DDO: variants seen among roughly 807,000 people sequenced by gnomAD.
DDO encodes D-aspartate oxidase, also known as D-aspartate oxidase, DDO.
Under a neutral mutation model 16.8 loss-of-function variants are expected in DDO, and 16 were observed. That is an observed-to-expected ratio of 0.95 (90% CI 0.65 to 1.45). The LOEUF is 1.45. Among genes scored for constraint, DDO ranks in the 40% most tolerant of loss-of-function variants. The pLI is 0.00. For synonymous variants in DDO, 180 were observed against 167.2 expected (o/e 1.08, Z -0.59); for missense variants, 429 against 420.3 (o/e 1.02, Z -0.18).
intron 4 of DDO, among the ~76,000 whole-genome samples, chr6:110,396,584 G>A (rs1304711280): frequency 1.3e-5 from 2 of 151,860 alleles, no homozygotes; most frequent in African/African-American, 2.4e-5. Flanking sequence ...AAAAGAATCT[G>A]GCAAGCATCT....
At chr6:110,402,007 ACATGCAGGAC>A (rs755759217) in intron 4 of DDO, among the ~76,000 whole-genome samples, 1 of 152,338 alleles carries the variant, frequency 6.6e-6, no homozygotes, top group Admixed American at 6.5e-5. Context: ...TCTCACCCCA[ACATGCAGGAC>A]CTCAATCCGA....
chr6:110,403,438 G>A (rs544131347), intron 4 of DDO, among the ~76,000 whole-genome samples: 33 of 152,232 alleles, frequency 2.2e-4, no homozygotes, highest in African/African-American at 7.7e-4. Context: ...AAATTTGCTT[G>A]TTGGCTGGTG....
At chr6:110,391,021 A>C (rs746867417), downstream of DDO, among the ~76,000 whole-genome samples, 3 of 152,232 alleles carry the variant, frequency 2.0e-5, no homozygotes, top group South Asian at 2.1e-4. Context: ...ATCTGATACA[A>C]CACCACCCCC....
At chr6:110,394,372 G>A (rs1466515069) in intron 4 of DDO, among the ~76,000 whole-genome samples, 1 of 152,156 alleles carries the variant, frequency 6.6e-6, no homozygotes, top group Middle Eastern at 3.2e-3. Context: ...CTCCCAAAGT[G>A]CTGGGATTAT....
At chr6:110,409,052 T>C (rs1414872278) in intron 2 of DDO, among the ~76,000 whole-genome samples, 1 of 152,124 alleles carries the variant, frequency 6.6e-6, no homozygotes, top group African/African-American at 2.4e-5. Context: ...TGCCATTACC[T>C]TCCACACCAT....
chr6:110,408,364 G>A lies in DDO; in HGVS notation c.251C>T (p.Ala84Val), dbSNP rs769721802. ...HLFAIANSAE[A>V]GDAGVHLVSG... ...TACCAAATGAACACCAGCATCTCCAGCTTCTGCAGAATTGGCAATTGCAAA... is the reference window on the plus strand; with the variant it reads ...TACCAAATGAACACCAGCATCTCCAACTTCTGCAGAATTGGCAATTGCAAA... The change falls in exon 3 of 5, where the codon GCT becomes GTT. Residue 84 changes from alanine (A) to valine (V), a missense_variant. By Grantham distance (64) the Ala-to-Val change is moderately conservative. Transcript: ENST00000368924. 4 of 1,613,968 alleles carry A rather than the reference G, an allele frequency of 2.5e-6. No individual in the cohort carries two copies. Among genetic ancestry groups the A allele is most frequent in the Non-Finnish European group, 3.4e-6 (4 of 1,180,008 alleles).
At chr6:110,391,546 G>C (rs1347743948), downstream of DDO, among the ~76,000 whole-genome samples, 2 of 151,950 alleles carry the variant, frequency 1.3e-5, no homozygotes, top group East Asian at 1.9e-4. Context: ...TGTTGGCCAG[G>C]CTTGTCTTGA....
chr6:110,397,867 G>A (rs1310936616), intron 4 of DDO, among the ~76,000 whole-genome samples: 1 of 152,166 alleles, frequency 6.6e-6, no homozygotes, highest in Non-Finnish European at 1.5e-5. Context: ...TCATTATTAT[G>A]TATCCCATGG....
rs148059665 is a variant in DDO, at chr6:110,398,283, C to T, written c.459-4941G>A. Among the ~76,000 whole-genome samples the T allele has an allele frequency of 9.5e-4, 145 of 152,128 alleles. No homozygotes were observed. In the East Asian group the frequency reaches 0.012, roughly 13 times the overall value. ...AAACAAGGAGGATGGTCATCCTCAG[C>T]GCCTTTCCTTCACCTCACTGGGAGT... On this transcript the variant is annotated intron_variant, in intron 4 of 4. Transcript: ENST00000368924.
chr6:110,404,682 C>T (rs1773587569), intron 4 of DDO, 92 bp downstream of exon 4: 5 of 1,405,220 alleles, frequency 3.6e-6, no homozygotes, highest in African/African-American at 1.4e-5. Context: ...CTGAGGGATG[C>T]CAGAGACTTT....
chr6:110,404,575 G>A (rs1409320155), intron 4 of DDO, among the ~76,000 whole-genome samples, 199 bp downstream of exon 4: 3 of 152,174 alleles, frequency 2.0e-5, no homozygotes, highest in African/African-American at 7.2e-5. Context: ...ATTACTAGAA[G>A]CATGGTGTGA....
chr6:110,388,768 T>C, downstream of DDO: 7 of 981,928 alleles, frequency 7.1e-6, no homozygotes, highest in Non-Finnish European at 8.5e-6. Context: ...GGCCAGACAC[T>C]TGAAAGCAGA....
In DDO at chr6:110,392,426, A is replaced by G. The variant is rs1773126723; in HGVS notation, c.*349T>C. ...TCTATAAGAAGTATTTTTAACAAAA[A>G]ATAGAGCTTTATGCCCTATGCCATT... On this transcript the variant is annotated 3_prime_UTR_variant, in exon 5 of 5. Transcript: ENST00000368924. 3.0e-6 allele frequency: 3 copies of G among 1,016,092 alleles called. No homozygotes were observed. The African/African-American group carries it at 5.1e-5, about 17-fold the overall frequency. 62.9% of individuals were successfully genotyped at this position (1,016,092 alleles called of 1,614,324 possible).
chr6:110,404,866 A>G lies in DDO; in HGVS notation c.366T>C (p.Ala122=), dbSNP rs1422017654. The stretch of plus-strand genomic sequence containing the variant: ...CATACTGGGGGAATTTCTTCAGCTC[A>G]GCCTCAGTCATCTTTCGAAATCCCA... ...VVLGFRKMTE[A]ELKKFPQYVF... The change falls in exon 4 of 5, where the codon GCT becomes GCC. Residue 122 remains alanine, a synonymous_variant. Coordinates refer to ENST00000368924, the MANE Select transcript of DDO (RefSeq NM_001372108.2). 2.5e-6 allele frequency: 4 copies of G among 1,614,102 alleles called. No homozygotes were observed. Among genetic ancestry groups the G allele is most frequent in the Non-Finnish European group, 3.4e-6 (4 of 1,180,042 alleles).
chr6:110,400,343 C>CGCGG (rs1554220566), intron 4 of DDO, among the ~76,000 whole-genome samples: 3 of 126,400 alleles, frequency 2.4e-5, no homozygotes, highest in Admixed American at 8.1e-5. Context: ...AGGAGCGGGC[C>CGCGG]GGGGCGGGGA....
downstream of DDO, among the ~76,000 whole-genome samples, chr6:110,389,788 T>A (rs756662921): frequency 1.3e-5 from 2 of 152,222 alleles, no homozygotes; most frequent in African/African-American, 4.8e-5. Flanking sequence ...GTTACAGAAG[T>A]TATTGTTTAT....
chr6:110,415,339 C>T (rs9487397), intron 1 of DDO, 128 bp downstream of exon 1: 31,636 of 1,239,044 alleles, frequency 0.026, 1,284 homozygotes, highest in African/African-American at 0.16. Flanking sequence ...GAGGAGTGAG[C>T]GAGCAATGTG....
chr6:110,413,493 C>A (rs1402888335), intron 1 of DDO, 27 bp from the exon 2 acceptor site: 2 of 1,598,892 alleles, frequency 1.3e-6, no homozygotes, highest in South Asian at 1.1e-5. Flanking sequence ...GGGAGCTATA[C>A]CCCTTGTTTT....
intron 2 of DDO, 108 bp downstream of exon 2, chr6:110,413,183 G>A: frequency 7.9e-7 from 1 of 1,264,640 alleles, no homozygotes; most frequent in South Asian, 1.5e-5. Context: ...AAAAAAACCT[G>A]CATATTACAC....
Sources: allele counts gnomAD v4.1 joint callset (sites outside exome capture counted in the v4.1 genomes callset), GRCh38; gene constraint gnomAD v4.1.1; transcripts MANE v1.5; gene names NCBI Gene and HGNC (gene_info 2026-07-23, HGNC 2026-07-21).